The following KIF21B variants were observed in gnomAD, a reference collection of about 807,000 sequenced individuals.
KIF21B encodes the protein kinesin family member 21B.
KIF21B carries 85 observed loss-of-function variants against 192.9 expected under a neutral mutation model. The ratio of observed to expected loss-of-function variants is 0.44; its 90% CI spans 0.37 to 0.53. KIF21B has a LOEUF of 0.53. Ranked by LOEUF, KIF21B falls within the 20% of genes least tolerant of loss-of-function variation. The probability of loss-of-function intolerance (pLI) is 0.00; values close to 1 mark genes in which losing one functional copy is unlikely to be tolerated. For synonymous variants in KIF21B, 832 were observed against 884.6 expected (o/e 0.94, Z 1.05); for missense variants, 1,716 against 2,194.8 (o/e 0.78, Z 4.36).
Position 200,990,953 on chromosome 1 carries a change from T to A in KIF21B, c.2651A>T (p.His884Leu). The change falls in exon 18 of 35, where the codon CAT becomes CTT. Residue 884 changes from histidine to leucine, a missense_variant. By Grantham distance (99) the His-to-Leu change is moderately conservative (BLOSUM62 -3). Coordinates refer to ENST00000461742, the MANE Select transcript of KIF21B (RefSeq NM_001252102.2). The surrounding 1 kb of genome is among the most constrained non-coding windows in gnomAD (Gnocchi z 5.4). The part of the protein sequence containing the change: ...NRKINHFLGD[H>L]PAPTVNGTRP... ...GGTGCCATTGACAGTGGGCGCAGGATGGTCCCCCAAGAAGTGGTTGATTTT... is the reference window on the plus strand; with the variant it reads ...GGTGCCATTGACAGTGGGCGCAGGAAGGTCCCCCAAGAAGTGGTTGATTTT... 1 of 1,614,148 alleles carries A rather than the reference T, an allele frequency of 6.2e-7. No homozygotes were observed. The highest frequency in any genetic ancestry group is 8.5e-7 in the Non-Finnish European group (1 of 1,180,052).
In KIF21B at chr1:200,988,517, T is replaced by G; in HGVS notation, c.3326A>C (p.Glu1109Ala). ...CCTGCCCTCAGAGAACTCTGAGATCTCCTCATCTGTGCTGGCGTAGCCATT... is the reference window on the plus strand; with the variant it reads ...CCTGCCCTCAGAGAACTCTGAGATCGCCTCATCTGTGCTGGCGTAGCCATT... ...QENGYASTDE[E>A]ISEFSEGSFS... is the part of the protein sequence containing the mutation. The change falls in exon 23 of 35, where the codon GAG becomes GCG. Residue 1109 changes from glutamate (E) to alanine (A), a missense_variant. By Grantham distance (107) the Glu-to-Ala change is moderately radical. This residue lies in a region of KIF21B where 580 missense variants were observed against 775.5 expected (regional missense o/e 0.75). Coordinates refer to ENST00000461742, the MANE Select transcript of KIF21B (RefSeq NM_001252102.2). 7.1e-7 allele frequency: 1 copy of G among 1,402,588 alleles called. No individual in the cohort carries two copies. 86.9% of individuals were successfully genotyped at this position (1,402,588 alleles called of 1,614,324 possible).
Position 200,975,467 on chromosome 1 carries a change from A to C in KIF21B, c.4614+32T>G. On this transcript the variant is annotated intron_variant, in intron 33 of 34. Transcript: ENST00000461742. The surrounding 1 kb of genome is among the most constrained non-coding windows in gnomAD (Gnocchi z 4.3). ...TGGGCTATGGAAACCACCCTACCCG[A>C]GTCTACCCTCTCCCTTTCCTCCTGA... 6.3e-7 allele frequency: 1 copy of C among 1,589,470 alleles called. No homozygotes were observed. The highest frequency in any genetic ancestry group is 8.6e-7 in the Non-Finnish European group (1 of 1,162,902).
In KIF21B at chr1:200,990,260, C is replaced by T. The variant is rs780491834; in HGVS notation, c.2908G>A (p.Glu970Lys). 3.1e-6 allele frequency: 5 copies of T among 1,613,798 alleles called. No individual in the cohort carries two copies. The highest frequency in any genetic ancestry group is 4.2e-6 in the Non-Finnish European group (5 of 1,179,946). ...KRERLQAESP[E>K]EEKGLQELAE... Reference sequence around the variant, plus strand: ...AGCTCCTGCAGCCCCTTCTCTTCCTCGGGGCTCTCAGCCTGCAGCCGCTCC... The same window carrying T: ...AGCTCCTGCAGCCCCTTCTCTTCCTTGGGGCTCTCAGCCTGCAGCCGCTCC... Residue 970 changes from glutamate to lysine, a missense_variant, in exon 20 of 35, where the codon GAG (glutamate) becomes AAG (lysine). By Grantham distance (56) the Glu-to-Lys change is moderately conservative. This residue lies in a region of KIF21B where 1,087 missense variants were observed against 1,316.6 expected (regional missense o/e 0.83). Transcript: ENST00000461742. This position sits in a 1 kb window ranked among gnomAD's most constrained non-coding sequence, Gnocchi z 5.4.
rs2102437131 is a variant in KIF21B, at chr1:201,000,276, G to C, written c.1685+114C>G. 9.2e-7 allele frequency: 1 copy of C among 1,092,750 alleles called. No individual in the cohort carries two copies. The highest frequency in any genetic ancestry group is 1.3e-6 in the Non-Finnish European group (1 of 762,826). The allele number at this position is 1,092,750 out of a possible 1,614,324, so 67.7% of individuals were successfully genotyped here. A position where few individuals can be genotyped will look rare whatever the true frequency, so the allele number is the denominator to read the frequency against. The stretch of plus-strand genomic sequence containing the variant: ...AATACTGAGGCAGCCCCTGGGGCTG[G>C]GGGCGTGGAGGTTCCCTCCTAAACA... On this transcript the variant is annotated intron_variant, in intron 11 of 34. Transcript: ENST00000461742. The surrounding 1 kb of genome is among the most constrained non-coding windows in gnomAD (Gnocchi z 6.0).
chr1:200,988,631 AC>A (rs1656464178), intron 22 of KIF21B, 87 bp from the exon 23 acceptor site: 1 of 1,436,156 alleles, frequency 7.0e-7, no homozygotes. Context: ...CCTATATCTC[AC>A]CCACTGGAAT....
Position 200,990,996 on chromosome 1 carries a change from C to A in KIF21B, c.2608G>T (p.Val870Leu). Residue 870 changes from valine to leucine, a missense_variant, in exon 18 of 35, where the codon GTG becomes TTG. Physicochemically the swap from Val to Leu is conservative, Grantham distance 32. Around this residue, in one of 3 missense-constraint regions of KIF21B, gnomAD observed 1,087 missense variants for 1,316.6 expected, o/e 0.83. Transcript: ENST00000461742. This position sits in a 1 kb window ranked among gnomAD's most constrained non-coding sequence, Gnocchi z 5.4. The part of the protein sequence containing the change: ...ESGARSVSSI[V>L]RQWNRKINHF... ...TTGATTTTGCGGTTCCACTGGCGCACGATGCTGGAGACAGAGCGGGCCCCT... is the reference window on the plus strand; with the variant it reads ...TTGATTTTGCGGTTCCACTGGCGCAAGATGCTGGAGACAGAGCGGGCCCCT... 6.2e-7 allele frequency: 1 copy of A among 1,614,176 alleles called. No individual in the cohort carries two copies. Among genetic ancestry groups the A allele is most frequent in the Non-Finnish European group, 8.5e-7 (1 of 1,180,044 alleles).
intron 27 of KIF21B, among the ~76,000 whole-genome samples, chr1:200,983,746 A>T (rs962874625): frequency 1.3e-5 from 2 of 152,184 alleles, no homozygotes; most frequent in African/African-American, 4.8e-5. Flanking sequence ...TGATTGTAAC[A>T]ACATGGAGAT....
chr1:200,991,803 C>T, intron 16 of KIF21B, 78 bp from the exon 17 acceptor site: 1 of 1,466,456 alleles, frequency 6.8e-7, no homozygotes, highest in Admixed American at 1.9e-5. Context: ...CTGGCTAGCC[C>T]TGTAGTTGAA....
intron 21 of KIF21B, among the ~76,000 whole-genome samples, chr1:200,989,429 C>T (rs539089735): frequency 6.6e-6 from 1 of 152,330 alleles, no homozygotes; most frequent in East Asian, 1.9e-4. Flanking sequence ...GGTCTGTCCC[C>T]AGAGACCACA....
At chr1:201,011,320 C>G (rs990641254) in intron 1 of KIF21B, among the ~76,000 whole-genome samples, 8 of 152,238 alleles carry the variant, frequency 5.3e-5, no homozygotes, top group Non-Finnish European at 1.2e-4. Context: ...CTAAACACTA[C>G]CATGGATTAA....
At chr1:200,976,223 T>C (rs1429235032) in intron 32 of KIF21B, among the ~76,000 whole-genome samples, 1 of 152,136 alleles carries the variant, frequency 6.6e-6, no homozygotes, top group East Asian at 1.9e-4. Flanking sequence ...CCCAAGTAGC[T>C]GGGACTACAG....
Position 201,023,259 on chromosome 1 carries a change from G to A in KIF21B, c.41+84C>T. The A allele has an allele frequency of 1.6e-6, 2 of 1,262,802 alleles. No homozygotes were observed. Among genetic ancestry groups the A allele is most frequent in the Non-Finnish European group, 1.1e-6 (1 of 931,604 alleles). The allele number at this position is 1,262,802 out of a possible 1,614,324, so 78.2% of individuals were successfully genotyped here. ...GGGAGTGCAGGCTCCAGCCCAAGCG[G>A]TGCTCGCGCCCCCCGCCCAAAGCCC... On this transcript the variant is annotated intron_variant, in intron 1 of 34. Transcript: ENST00000461742. The surrounding 1 kb of genome is among the most constrained non-coding windows in gnomAD (Gnocchi z 5.9).
chr1:200,986,969 A>C (rs747454074), intron 25 of KIF21B, 27 bp downstream of exon 25: 2 of 1,612,838 alleles, frequency 1.2e-6, no homozygotes, highest in East Asian at 2.2e-5. Flanking sequence ...CCTCCACTCC[A>C]ACCCACATTC....
At position 200,999,455 on chromosome 1, in the gene KIF21B, C is replaced by G; in HGVS notation, c.1779G>C (p.Glu593Asp). The change falls in exon 13 of 35, where the codon GAG (glutamate) becomes GAC (aspartate). Residue 593 changes from glutamate to aspartate, a missense_variant. By Grantham distance (45) the Glu-to-Asp change is conservative. Transcript: ENST00000461742. This position sits in a 1 kb window ranked among gnomAD's most constrained non-coding sequence, Gnocchi z 4.7. ...CCTCCTCACAGCCACTCTCGTCTCG[C>G]TCTTCCTCCTCCTGGGCACCAGGCA... ...DENEAEEEEE[E>D]RDESGCEEEE... 6.2e-7 allele frequency: 1 copy of G among 1,613,888 alleles called. No homozygotes were observed. Among genetic ancestry groups the G allele is most frequent in the South Asian group, 1.1e-5 (1 of 91,046 alleles).
intron 1 of KIF21B, among the ~76,000 whole-genome samples, chr1:201,014,425 G>A (rs2102474266): frequency 6.6e-6 from 1 of 152,328 alleles, no homozygotes; most frequent in African/African-American, 2.4e-5. Context: ...AGGGCGGAAG[G>A]GGAGGACAGA....
chr1:200,996,374 T>C lies in KIF21B; in HGVS notation c.2099A>G (p.Glu700Gly), dbSNP rs1657068557. 1.2e-6 allele frequency: 2 copies of C among 1,613,926 alleles called. No individual in the cohort carries two copies. Among genetic ancestry groups the C allele is most frequent in the Admixed American group, 1.7e-5 (1 of 60,004 alleles). The change falls in exon 15 of 35, where the codon GAG becomes GGG. Residue 700 changes from glutamate (E) to glycine (G), a missense_variant. Physicochemically the swap from Glu to Gly is moderately conservative, Grantham distance 98. This residue lies in a region of KIF21B where 1,087 missense variants were observed against 1,316.6 expected (regional missense o/e 0.83). Coordinates refer to ENST00000461742, the MANE Select transcript of KIF21B (RefSeq NM_001252102.2). ...TGCCTTGATCTTGTTGGCCTTCTCC[T>C]CAGTATAGCACTCCATGGTGCCTGA... ...QNLSTMECYT[E>G]EKANKIKADY...
intron 1 of KIF21B, among the ~76,000 whole-genome samples, chr1:201,015,863 G>A (rs1226843459): frequency 6.6e-6 from 1 of 152,262 alleles, no homozygotes; most frequent in Non-Finnish European, 1.5e-5. Flanking sequence ...AAGCCTGGGA[G>A]AGGAGAGGCT....
rs1657747341 is a variant in KIF21B, at chr1:201,005,297, A to G, written c.732+11T>C. ...GCAAGCTGGCTCCTGGGCCCCCTGC[A>G]GGCTCCTCACCAGGTCGGGCTGGGT... On this transcript the variant is annotated intron_variant, in intron 5 of 34. Coordinates refer to ENST00000461742, the MANE Select transcript of KIF21B (RefSeq NM_001252102.2). 3 of 1,570,736 alleles carry G rather than the reference A, an allele frequency of 1.9e-6. No homozygotes were observed. The highest frequency in any genetic ancestry group is 2.6e-6 in the Non-Finnish European group (3 of 1,158,066).
intron 1 of KIF21B, among the ~76,000 whole-genome samples, chr1:201,014,299 C>A (rs986816265): frequency 2.0e-5 from 3 of 152,216 alleles, no homozygotes; most frequent in Non-Finnish European, 4.4e-5. Context: ...ACCCCCTGCC[C>A]CTGACCCGCT....
Sources: gnomAD v4.1 joint callset for allele counts (sites outside exome capture counted in the v4.1 genomes callset) on GRCh38, gnomAD v4.1.1 for gene constraint, gnomAD v4.1.1 regional missense constraint, Gnocchi (gnomAD v3.1) non-coding constraint, MANE v1.5 for transcripts, NCBI Gene and HGNC (gene_info 2026-07-23, HGNC 2026-07-21) for gene names.